USP34: variants seen among roughly 807,000 people sequenced by gnomAD.
The protein encoded by USP34 is ubiquitin specific peptidase 34.
Under a neutral mutation model 460.3 loss-of-function variants are expected in USP34, and 70 were observed. That is an observed-to-expected ratio of 0.15 (90% CI 0.13 to 0.19). The LOEUF (loss-of-function observed/expected upper bound fraction) is 0.19. Ranked by LOEUF, USP34 falls within the 10% of genes least tolerant of loss-of-function variation. USP34 has a pLI of 1.00. For missense variants in USP34, 3,985 were observed against 4,236.2 expected, an observed-to-expected ratio of 0.94 and a Z score of 1.65; for synonymous variants, 1,647 against 1,405.3, an observed-to-expected ratio of 1.17 and a Z score of -3.85.
chr2:61,458,708 G>A (rs890511853), intron 1 of USP34, among the ~76,000 whole-genome samples: 22 of 86,578 alleles, frequency 2.5e-4, no homozygotes, highest in Non-Finnish European at 4.3e-4. Context: ...GTCAAGGTAG[G>A]CCATATTTCA....
At chr2:61,382,498 T>A (rs1187292031) in intron 6 of USP34, among the ~76,000 whole-genome samples, 4 of 152,162 alleles carry the variant, frequency 2.6e-5, no homozygotes, top group Admixed American at 6.6e-5. Context: ...GGCCCCATAC[T>A]CCCTCTGTAT....
intron 10 of USP34, among the ~76,000 whole-genome samples, chr2:61,368,762 A>G (rs1379904360): frequency 6.6e-6 from 1 of 152,202 alleles, no homozygotes; most frequent in African/African-American, 2.4e-5. Context: ...TATAGGGAGA[A>G]ACTAAAGGAG....
intron 62 of USP34, among the ~76,000 whole-genome samples, chr2:61,225,872 A>G (rs562166274): frequency 1.3e-5 from 2 of 152,312 alleles, no homozygotes; most frequent in African/African-American, 4.8e-5. Context: ...TGTGTCTAAC[A>G]CGTATTTTCC....
chr2:61,387,848 CAT>C (rs1488617004), intron 5 of USP34, among the ~76,000 whole-genome samples: 3 of 146,538 alleles, frequency 2.0e-5, no homozygotes, highest in Non-Finnish European at 3.0e-5. Context: ...CGTATACACA[CAT>C]GTAAAAATAT....
chr2:61,400,074 AG>A (rs869266835), intron 3 of USP34, among the ~76,000 whole-genome samples: 1 of 124,944 alleles, frequency 8.0e-6, no homozygotes, highest in African/African-American at 3.0e-5. Context: ...AAGAGAAAAC[AG>A]AGAGAAATAA....
chr2:61,341,233 G>A (rs1401470387), intron 16 of USP34, among the ~76,000 whole-genome samples: 1 of 152,074 alleles, frequency 6.6e-6, no homozygotes, highest in Non-Finnish European at 1.5e-5. Flanking sequence ...AATTCCAGTT[G>A]GAAGGCCTTC....
At chr2:61,310,591 T>A (rs1690559317) in intron 27 of USP34, among the ~76,000 whole-genome samples, 1 of 150,768 alleles carries the variant, frequency 6.6e-6, no homozygotes, top group African/African-American at 2.4e-5. Flanking sequence ...TATCTTGGTA[T>A]CTCTGGAAAG....
At chr2:61,283,934 G>A (rs1296400596) in intron 35 of USP34, among the ~76,000 whole-genome samples, 1 of 138,456 alleles carries the variant, frequency 7.2e-6, no homozygotes. Flanking sequence ...GTGGGGTAGG[G>A]TAGGGTGGGG....
At position 61,365,256 on chromosome 2, in the gene USP34, TACACACACAC is replaced by T. The variant is rs34689463; in HGVS notation, c.1251+5055_1251+5064del. Among the ~76,000 whole-genome samples, 1,028 of 142,438 alleles carry T rather than the reference TACACACACAC, an allele frequency of 7.2e-3. 7 individuals carry two copies. Among genetic ancestry groups the T allele is most frequent in the African/African-American group, 0.021 (808 of 37,918 alleles). The allele number at this position is 142,438 out of a possible 152,430, so 93.4% of individuals were successfully genotyped here. A position where few individuals can be genotyped will look rare whatever the true frequency, so the allele number is the denominator to read the frequency against. ...AACAGAGCAAGACTCCATTTCAAAA[TACACACACAC>T]ACACACACACACACACACACACACA... On this transcript the variant is annotated intron_variant, in intron 10 of 79. Coordinates refer to ENST00000398571, the MANE Select transcript of USP34 (RefSeq NM_014709.4).
At chr2:61,356,044 C>G (rs191714523) in intron 10 of USP34, among the ~76,000 whole-genome samples, 44 of 152,262 alleles carry the variant, frequency 2.9e-4, no homozygotes, top group African/African-American at 1.0e-3. Context: ...AGCAATCTGA[C>G]TCCTAGGTAT....
intron 25 of USP34, 146 bp from the exon 26 acceptor site, chr2:61,312,056 T>C (rs1282878962): frequency 2.4e-5 from 23 of 975,162 alleles, no homozygotes; most frequent in Middle Eastern, 3.3e-4. Context: ...CAAATTTAAG[T>C]TCAGATTCAT....
intron 49 of USP34, 69 bp downstream of exon 49, chr2:61,248,442 A>G (rs34823499): frequency 0.13 from 194,089 of 1,454,698 alleles, 14,040 homozygotes; most frequent in Non-Finnish European, 0.15. Context: ...TGACAACTTT[A>G]TAATTATGCC....
chr2:61,257,343 T>G lies in USP34; in HGVS notation c.5852A>C (p.Glu1951Ala), dbSNP rs1688747121. ...AGGTCTAGGATTATATGCTTTGCAT[T>G]CACTCTCCTGCAAATAAAAAGGGGA... ...QKMFTYLMES[E>A]CKAYNPRPFC... The change falls in exon 45 of 80, where the codon GAA becomes GCA. Residue 1951 changes from glutamate to alanine, a missense_variant. Physicochemically the swap from Glu to Ala is moderately radical, Grantham distance 107 (BLOSUM62 -1). Around this residue, in one of 14 missense-constraint regions of USP34, gnomAD observed 145 missense variants for 291.6 expected, o/e 0.50. Transcript: ENST00000398571. 3 of 1,587,690 alleles carry G rather than the reference T, an allele frequency of 1.9e-6. No individual in the cohort carries two copies. In the South Asian group the frequency reaches 3.5e-5, roughly 19 times the overall value.
At chr2:61,275,569 G>A (rs1262495170) in intron 41 of USP34, among the ~76,000 whole-genome samples, 3 of 151,958 alleles carry the variant, frequency 2.0e-5, no homozygotes, top group Non-Finnish European at 4.4e-5. Flanking sequence ...GCTGCAATGA[G>A]CTATGATTGT....
chr2:61,251,529 A>G (rs79754799), intron 48 of USP34, among the ~76,000 whole-genome samples: 242 of 152,342 alleles, frequency 1.6e-3, no homozygotes, highest in African/African-American at 5.6e-3. Flanking sequence ...ATACGAAACT[A>G]TTGTTGCTTT....
chr2:61,291,228 T>C (rs563170072), intron 33 of USP34, among the ~76,000 whole-genome samples: 1 of 152,016 alleles, frequency 6.6e-6, no homozygotes, highest in East Asian at 1.9e-4. Context: ...ACCAAGGAAA[T>C]GCAAATCAAA....
At chr2:61,241,463 G>C in intron 53 of USP34, 97 bp downstream of exon 53, 1 of 788,916 alleles carries the variant, frequency 1.3e-6, no homozygotes, top group Admixed American at 3.3e-5. Flanking sequence ...CAGAATTGCA[G>C]ATATCAACCT....
At chr2:61,407,923 T>C (rs1012545219) in intron 2 of USP34, among the ~76,000 whole-genome samples, 3 of 152,158 alleles carry the variant, frequency 2.0e-5, no homozygotes, top group African/African-American at 7.2e-5. Context: ...GAGATCAGCC[T>C]GGTCAACATG....
chr2:61,269,287 C>T (rs544926162), intron 41 of USP34, among the ~76,000 whole-genome samples: 1 of 150,926 alleles, frequency 6.6e-6, no homozygotes, highest in East Asian at 1.9e-4. Flanking sequence ...CAGCCTCCTG[C>T]GTAGCTTGGA....
Sources: gnomAD v4.1 joint callset for allele counts (sites outside exome capture counted in the v4.1 genomes callset) on GRCh38, gnomAD v4.1.1 for gene constraint, gnomAD v4.1.1 regional missense constraint, MANE v1.5 for transcripts, NCBI Gene and HGNC (gene_info 2026-07-23, HGNC 2026-07-21) for gene names.